WDR20: variants seen among roughly 807,000 people sequenced by gnomAD.
WDR20 encodes WD repeat domain 20.
Under a neutral mutation model 38.7 loss-of-function variants are expected in WDR20, and 3 were observed. The observed-to-expected ratio is 0.08, with a 90% CI of 0.04 to 0.20. The LOEUF (loss-of-function observed/expected upper bound fraction) is 0.20. Among genes scored for constraint, WDR20 ranks in the 10% least tolerant of loss-of-function variants. The pLI is 1.00. For missense variants in WDR20, 559 were observed against 727.7 expected (o/e 0.77, Z 2.67); for synonymous variants, 298 against 285.6 (o/e 1.04, Z -0.44).
intron 2 of WDR20, among the ~76,000 whole-genome samples, chr14:102,201,537 C>T (rs189446162): frequency 1.2e-3 from 178 of 152,124 alleles, no homozygotes; most frequent in Non-Finnish European, 1.5e-3. Flanking sequence ...GTAGTGTTTT[C>T]GCTGTTCGTG....
downstream of WDR20, chr14:102,224,528 T>C (rs1369551631): frequency 8.8e-6 from 4 of 454,830 alleles, no homozygotes; most frequent in Non-Finnish European, 1.8e-5. Context: ...TTGTGAGACT[T>C]TAAACCATGA....
chr14:102,185,814 CAAAA>C (rs11317533), intron 1 of WDR20, among the ~76,000 whole-genome samples: 6 of 112,574 alleles, frequency 5.3e-5, no homozygotes, highest in Admixed American at 2.0e-4. Flanking sequence ...GACTCCATCT[CAAAA>C]AAAAAAAAAA....
chr14:102,211,937 C>T (rs2062591385), downstream of WDR20, among the ~76,000 whole-genome samples: 2 of 152,090 alleles, frequency 1.3e-5, no homozygotes, highest in Admixed American at 6.6e-5. This position sits in a 1 kb window ranked among gnomAD's most constrained non-coding sequence, Gnocchi z 4.2. Flanking sequence ...ACAGGGAAGC[C>T]GTGGGGGTGT....
At chr14:102,144,565 T>G (rs1288684571) in intron 1 of WDR20, among the ~76,000 whole-genome samples, 1 of 152,082 alleles carries the variant, frequency 6.6e-6, no homozygotes, top group Non-Finnish European at 1.5e-5. Flanking sequence ...ACCAATCCTC[T>G]CATTTTATGG....
At chr14:102,165,046 T>C (rs1266740655) in intron 1 of WDR20, among the ~76,000 whole-genome samples, 1 of 152,240 alleles carries the variant, frequency 6.6e-6, no homozygotes, top group Non-Finnish European at 1.5e-5. Flanking sequence ...ATCTGCCTTC[T>C]TGAGAGTGGT....
downstream of WDR20, among the ~76,000 whole-genome samples, chr14:102,219,846 A>G (rs7154553): frequency 0.3 from 46,166 of 152,170 alleles, 8,922 homozygotes; most frequent in African/African-American, 0.56. Context: ...ACTACAGAAG[A>G]CGAGAGGAGG....
At chr14:102,151,536 C>T (rs928791314) in intron 1 of WDR20, among the ~76,000 whole-genome samples, 20 of 151,640 alleles carry the variant, frequency 1.3e-4, no homozygotes, top group African/African-American at 4.8e-4. Flanking sequence ...GCTGGGACTA[C>T]AGGTGTGCAC....
chr14:102,139,439 C>T, upstream of WDR20: 1 of 1,508,674 alleles, frequency 6.6e-7, no homozygotes, highest in Non-Finnish European at 8.9e-7. Flanking sequence ...CGTGCTGGCT[C>T]CGAAGCGGTG....
At chr14:102,198,009 G>A (rs2059690134) in intron 2 of WDR20, 6 of 482,830 alleles carry the variant, frequency 1.2e-5, no homozygotes, top group Non-Finnish European at 2.2e-5. Context: ...CACCACCCCC[G>A]AAACACTGGT....
Position 102,199,637 on chromosome 14 carries a change from C to T in WDR20, c.432+4517C>T, listed in dbSNP as rs545103354. Among the ~76,000 whole-genome samples, 83 of 152,246 alleles carry T rather than the reference C, an allele frequency of 5.5e-4. No homozygotes were observed. In the South Asian group the frequency reaches 0.017, roughly 31 times the overall value. ...GTGCACACACCTTCACACACCGAAT[C>T]CCCAGCATCAGTTACTCTGGCCTTT... On this transcript the variant is annotated intron_variant, in intron 2 of 2. Transcript: ENST00000342702.
At chr14:102,194,555 G>C (rs1388065575) in intron 1 of WDR20, among the ~76,000 whole-genome samples, 2 of 152,214 alleles carry the variant, frequency 1.3e-5, no homozygotes, top group African/African-American at 4.8e-5. Flanking sequence ...TGTAGGTGCT[G>C]TAGATACATT....
At position 102,179,880 on chromosome 14, in the gene WDR20, C is replaced by T. The variant is rs115868809; in HGVS notation, c.250-15058C>T. Among the ~76,000 whole-genome samples the T allele has an allele frequency of 5.7e-3, 864 of 152,224 alleles. 10 individuals carry two copies. The highest frequency in any genetic ancestry group is 0.02 in the African/African-American group (816 of 41,536). ...AATAATGATAACAGTTACGTCGGGA[C>T]GGTGGCTCACGCCTGTAATCCCAGC... On this transcript the variant is annotated intron_variant, in intron 1 of 2. Transcript: ENST00000342702.
chr14:102,213,653 C>T (rs372822985), downstream of WDR20: 26 of 985,328 alleles, frequency 2.6e-5, no homozygotes, highest in Non-Finnish European at 2.8e-5. Context: ...CCAGCTGGCA[C>T]GTGGCCAGGC....
rs750504705 is a variant in WDR20 at position 102,139,930 on chromosome 14, A to G, written c.7A>G (p.Thr3Ala). 139 of 1,612,140 alleles carry G rather than the reference A, an allele frequency of 8.6e-5. No homozygotes were observed. The highest frequency in any genetic ancestry group is 1.1e-4 in the Non-Finnish European group (133 of 1,178,384). MA[T>A]EGGGKEMNEI... ...ATGAACGCTGCTTTCCAAGATGGCG[A>G]CGGAGGGAGGAGGGAAGGAGATGAA... Residue 3 changes from threonine (T) to alanine (A), a missense_variant, in exon 1 of 3, where the codon ACG becomes GCG. Transcript: ENST00000342702.
At position 102,207,440 on chromosome 14, in the gene WDR20, T is replaced by C. The variant is rs745907588; in HGVS notation, c.433-1163T>C. On this transcript the variant is annotated intron_variant, in intron 2 of 2. Coordinates refer to ENST00000342702, the MANE Select transcript of WDR20 (RefSeq NM_144574.4). This position sits in a 1 kb window ranked among gnomAD's most constrained non-coding sequence, Gnocchi z 5.0. ...CCCTGGCAGAAGTCGGCATGTTTCT[T>C]GGCAGATTCTGCCCCTGTGTGCCCA... 6.6e-6 allele frequency among the ~76,000 whole-genome samples: 1 copy of C among 152,268 alleles called. No individual in the cohort carries two copies. Among genetic ancestry groups the C allele is most frequent in the Non-Finnish European group, 1.5e-5 (1 of 68,044 alleles).
At chr14:102,188,596 G>A (rs1490056453) in intron 1 of WDR20, among the ~76,000 whole-genome samples, 1 of 152,048 alleles carries the variant, frequency 6.6e-6, no homozygotes, top group Non-Finnish European at 1.5e-5. Context: ...AGCCAGGCAT[G>A]GTGACTTACA....
At chr14:102,159,572 G>T (rs973242901) in intron 1 of WDR20, among the ~76,000 whole-genome samples, 6 of 152,164 alleles carry the variant, frequency 3.9e-5, no homozygotes, top group Non-Finnish European at 8.8e-5. Context: ...GGTGGCGCAC[G>T]CCGGTAATCC....
In WDR20 at chr14:102,193,471, A is replaced by T. The variant is rs1156864506; in HGVS notation, c.250-1467A>T. Reference sequence around the variant, plus strand: ...CTTATTTCATCCTCCAGACAATCCCATGAGGTTGGTAGAACAGAGATTCTC... The same window carrying T: ...CTTATTTCATCCTCCAGACAATCCCTTGAGGTTGGTAGAACAGAGATTCTC... On this transcript the variant is annotated intron_variant, in intron 1 of 2. Transcript: ENST00000342702. 4 of 1,613,534 alleles carry T rather than the reference A, an allele frequency of 2.5e-6. No individual in the cohort carries two copies. The South Asian group carries it at 4.4e-5, about 18-fold the overall frequency.
downstream of WDR20, among the ~76,000 whole-genome samples, chr14:102,215,817 A>T (rs779119519): frequency 1.3e-5 from 2 of 152,180 alleles, no homozygotes; most frequent in Non-Finnish European, 2.9e-5. Context: ...TGGGATGAGA[A>T]GAACTCATGA....
Sources: gnomAD v4.1 joint callset for allele counts (sites outside exome capture counted in the v4.1 genomes callset) on GRCh38, gnomAD v4.1.1 for gene constraint, Gnocchi (gnomAD v3.1) non-coding constraint, MANE v1.5 for transcripts, NCBI Gene and HGNC (gene_info 2026-07-23, HGNC 2026-07-21) for gene names.